TF: variants seen among roughly 807,000 people sequenced by gnomAD.
TF encodes the protein serotransferrin.
In TF, 55 loss-of-function variants were observed where a neutral mutation model predicts 82.4. The observed-to-expected ratio is 0.67, with a 90% confidence interval of 0.54 to 0.84. The LOEUF is 0.84. TF is among the 40% of genes least tolerant of loss of function. TF has a pLI of 0.00. For synonymous variants in TF, 332 were observed against 332.6 expected (o/e 1.00, Z 0.02); for missense variants, 737 against 868.4 (o/e 0.85, Z 1.90).
In TF at chr3:133,753,582, T is replaced by C. The variant is rs372291687; in HGVS notation, c.217-13T>C. Reference sequence around the variant, plus strand: ...GTCAAGGCTTCATCCAGGACTGGCCTGTTCTCTTTCAGGCAAACGAAGCGG... The same window carrying C: ...GTCAAGGCTTCATCCAGGACTGGCCCGTTCTCTTTCAGGCAAACGAAGCGG... On this transcript the variant is annotated splice_polypyrimidine_tract_variant and intron_variant, in intron 2 of 16. Transcript: ENST00000402696. 4.3e-5 allele frequency: 70 copies of C among 1,612,850 alleles called. No individual in the cohort carries two copies. The African/African-American group carries it at 8.7e-4, about 20-fold the overall frequency.
rs1241940531 is a variant in TF at position 133,775,622 on chromosome 3, G to A, written c.1872+5G>A. The A allele has an allele frequency of 6.2e-7, 1 of 1,613,728 alleles. No individual in the cohort carries two copies. On this transcript the variant is annotated splice_donor_5th_base_variant and intron_variant, in intron 15 of 16. Transcript: ENST00000402696. ...AAGATATTACGTCAACAGCAGGTAT[G>A]GACCAGCCAGGTCCTCCCACCTTTT...
At chr3:133,770,277 A>C (rs1308580452) in intron 13 of TF, among the ~76,000 whole-genome samples, 1 of 152,230 alleles carries the variant, frequency 6.6e-6, no homozygotes, top group African/African-American at 2.4e-5. Flanking sequence ...CTCTCAGAGA[A>C]ACAGTACAAA....
the TF span, among the ~76,000 whole-genome samples, chr3:133,694,849 G>GTTTT: frequency 2.4e-5 from 3 of 123,812 alleles, no homozygotes; most frequent in Non-Finnish European, 3.4e-5. Context: ...TAAGCCTTTA[G>GTTTT]TTTTATTTAT....
chr3:133,676,985 A>T, the TF span, among the ~76,000 whole-genome samples: 1 of 152,338 alleles, frequency 6.6e-6, no homozygotes, highest in South Asian at 2.1e-4. Flanking sequence ...TTCTAGTCAA[A>T]CAAGAACTAT....
Position 133,777,154 on chromosome 3 carries a change from C to A in TF, c.1978C>A (p.Leu660Ile). 1 of 1,614,146 alleles carries A rather than the reference C, an allele frequency of 6.2e-7. No homozygotes were observed. Among genetic ancestry groups the A allele is most frequent in the Admixed American group, 1.7e-5 (1 of 60,014 alleles). ...AGATGACACAGTATGTTTGGCCAAA[C>A]TTCATGACAGAAACACATATGAAAA... is the stretch of plus-strand genomic sequence containing the variant. ...FRDDTVCLAK[L>I]HDRNTYEKYL... The change falls in exon 16 of 17, where the codon CTT (leucine) becomes ATT (isoleucine). Residue 660 changes from leucine to isoleucine, a missense_variant. Physicochemically the swap from Leu to Ile is conservative, Grantham distance 5 (BLOSUM62 2). Transcript: ENST00000402696.
intron 2 of TF, among the ~76,000 whole-genome samples, chr3:133,753,059 G>GA (rs553286166): frequency 1.3e-5 from 2 of 151,764 alleles, no homozygotes; most frequent in Admixed American, 1.3e-4. Flanking sequence ...TCTTCCCCCA[G>GA]AAAAAAAATC....
the TF span, chr3:133,704,224 A>G: frequency 4.5e-6 from 1 of 224,600 alleles, no homozygotes. Flanking sequence ...TTAACTTCAG[A>G]AAGGGGAAGC....
At chr3:133,675,769 G>A in the TF span, among the ~76,000 whole-genome samples, 3 of 152,110 alleles carry the variant, frequency 2.0e-5, no homozygotes, top group Non-Finnish European at 2.9e-5. Context: ...GTGCTTTTTT[G>A]CCCCTGACTT....
the TF span, among the ~76,000 whole-genome samples, chr3:133,730,424 T>C: frequency 6.6e-6 from 1 of 152,210 alleles, no homozygotes; most frequent in African/African-American, 2.4e-5. Context: ...CAGACTCTGT[T>C]ATCCAAAGCC....
chr3:133,668,943 T>A, the TF span, among the ~76,000 whole-genome samples: 33 of 152,342 alleles, frequency 2.2e-4, 1 homozygote, highest in African/African-American at 6.0e-4. Context: ...CACAGTGGCA[T>A]CTGACTTGTT....
chr3:133,691,332 G>A, the TF span, among the ~76,000 whole-genome samples: 10 of 152,276 alleles, frequency 6.6e-5, 1 homozygote, highest in African/African-American at 1.2e-4. Flanking sequence ...ATTCACTTAC[G>A]TACCCAAGAA....
the TF span, among the ~76,000 whole-genome samples, chr3:133,694,766 A>C: frequency 2.0e-5 from 3 of 152,030 alleles, no homozygotes; most frequent in East Asian, 5.8e-4. Context: ...ACTTCTGCAC[A>C]CTCCATGCTC....
chr3:133,778,292 G>A (rs1019729726), intron 16 of TF: 7 of 356,296 alleles, frequency 2.0e-5, no homozygotes, highest in Admixed American at 3.8e-5. Context: ...CTTCCTGGGC[G>A]ACTCCTGGCC....
chr3:133,756,977 G>T lies in TF; in HGVS notation c.838G>T (p.Asp280Tyr), dbSNP rs542696572. The T allele has an allele frequency of 1.8e-5, 29 of 1,614,144 alleles. No homozygotes were observed. The highest frequency in any genetic ancestry group is 2.3e-5 in the Non-Finnish European group (27 of 1,180,012). Reference sequence around the variant, plus strand: ...GGCCCGAAGTATGGGCGGCAAGGAGGACTTGATCTGGGAGCTTCTCAACCA... The same window carrying T: ...GGCCCGAAGTATGGGCGGCAAGGAGTACTTGATCTGGGAGCTTCTCAACCA... ...VVARSMGGKE[D>Y]LIWELLNQAQ... Residue 280 changes from aspartate (D) to tyrosine (Y), a missense_variant, in exon 7 of 17, where the codon GAC becomes TAC. Asp to Tyr is a radical substitution (Grantham distance 160). Transcript: ENST00000402696.
the TF span, among the ~76,000 whole-genome samples, chr3:133,687,955 A>T: frequency 6.6e-6 from 1 of 152,148 alleles, no homozygotes; most frequent in African/African-American, 2.4e-5. Context: ...CTAAAAGTGA[A>T]ATTGCTGTAC....
chr3:133,685,563 C>G, the TF span, among the ~76,000 whole-genome samples: 2 of 152,114 alleles, frequency 1.3e-5, no homozygotes, highest in African/African-American at 4.8e-5. Flanking sequence ...CAATAACAGA[C>G]AAACAGAGAG....
chr3:133,692,291 C>T, the TF span, among the ~76,000 whole-genome samples: 1 of 152,346 alleles, frequency 6.6e-6, no homozygotes, highest in East Asian at 1.9e-4. Context: ...CCATTAGTGT[C>T]ATCGTGTCAT....
At chr3:133,705,057 G>A in the TF span, among the ~76,000 whole-genome samples, 2 of 152,066 alleles carry the variant, frequency 1.3e-5, no homozygotes, top group Admixed American at 6.5e-5. Flanking sequence ...GGTGGATCAC[G>A]TGAGGTCAGG....
In TF at chr3:133,790,586, C is replaced by T. The variant is rs1040258142; in HGVS notation, c.*11966C>T. The T allele has an allele frequency of 6.6e-6, 1 of 152,206 alleles. No individual in the cohort carries two copies. Among genetic ancestry groups the T allele is most frequent in the Middle Eastern group, 3.2e-3 (1 of 316 alleles). The allele number at this position is 152,206 out of a possible 1,614,324, so 9.4% of individuals were successfully genotyped here. Reference sequence around the variant, plus strand: ...GAATTGGAGATATTTGGCTAATTAACATTTTCATAGTGAAAGCTGTTAGTC... The same window carrying T: ...GAATTGGAGATATTTGGCTAATTAATATTTTCATAGTGAAAGCTGTTAGTC... On this transcript the variant is annotated 3_prime_UTR_variant, in exon 17 of 17. Coordinates refer to ENST00000402696, the MANE Select transcript of TF (RefSeq NM_001063.4).
Sources: allele counts gnomAD v4.1 joint callset (sites outside exome capture counted in the v4.1 genomes callset), GRCh38; gene constraint gnomAD v4.1.1; transcripts MANE v1.5; gene names NCBI Gene and HGNC (gene_info 2026-07-23, HGNC 2026-07-21).